The following PRKCA variants were observed in gnomAD, a reference collection of about 807,000 sequenced individuals.
PRKCA encodes the protein protein kinase C alpha type.
In PRKCA, 27 loss-of-function variants were observed where a neutral mutation model predicts 87.0. The observed-to-expected ratio is 0.31, with a 90% CI of 0.23 to 0.43. The LOEUF is 0.43. Among genes scored for constraint, PRKCA ranks in the 20% least tolerant of loss-of-function variants. The probability of loss-of-function intolerance (pLI) is 1.00; values close to 1 mark genes in which losing one functional copy is unlikely to be tolerated. For missense variants in PRKCA, 518 were observed against 852.3 expected (o/e 0.61, Z 4.88); for synonymous variants, 329 against 311.1 (o/e 1.06, Z -0.61).
chr17:66,469,433 AAAAC>A (rs1208046705), intron 2 of PRKCA, among the ~76,000 whole-genome samples: 2 of 152,226 alleles, frequency 1.3e-5, no homozygotes, highest in African/African-American at 4.8e-5. Flanking sequence ...AATAATATTG[AAAAC>A]AAACACCCGT....
intron 13 of PRKCA, among the ~76,000 whole-genome samples, chr17:66,749,521 T>C (rs1568011918): frequency 6.6e-6 from 1 of 152,222 alleles, no homozygotes; most frequent in Non-Finnish European, 1.5e-5. Flanking sequence ...CTGTCCCTGC[T>C]GTTTTTCATG....
chr17:66,446,550 G>A (rs1288418957), intron 2 of PRKCA, among the ~76,000 whole-genome samples: 1 of 152,156 alleles, frequency 6.6e-6, no homozygotes, highest in Non-Finnish European at 1.5e-5. Context: ...GCTAAATTTA[G>A]ACAGAACCCC....
At chr17:66,478,301 C>T (rs1221196856) in intron 2 of PRKCA, among the ~76,000 whole-genome samples, 1 of 152,156 alleles carries the variant, frequency 6.6e-6, no homozygotes, top group Non-Finnish European at 1.5e-5. Context: ...GTTGCCCAGA[C>T]TGGAGTGCAG....
chr17:66,707,257 C>T lies in PRKCA; in HGVS notation c.918+18210C>T, dbSNP rs1296628626. On this transcript the variant is annotated intron_variant, in intron 8 of 16. Transcript: ENST00000413366. Reference sequence around the variant, plus strand: ...CTCTGGCCTCTTAAAATTGCCTTGACTTATGCAGTCTAAAGACTACTCACT... The same window carrying T: ...CTCTGGCCTCTTAAAATTGCCTTGATTTATGCAGTCTAAAGACTACTCACT... Among the ~76,000 whole-genome samples the T allele has an allele frequency of 2.0e-5, 3 of 152,208 alleles. No individual in the cohort carries two copies. The South Asian group carries it at 6.2e-4, about 31-fold the overall frequency.
At chr17:66,557,214 T>A (rs1230684223) in intron 3 of PRKCA, among the ~76,000 whole-genome samples, 2 of 152,178 alleles carry the variant, frequency 1.3e-5, no homozygotes, top group Non-Finnish European at 2.9e-5. Context: ...TCTACAGTGT[T>A]TCTGATTTTT....
At position 66,506,536 on chromosome 17, in the gene PRKCA, C is replaced by T. The variant is rs186000260; in HGVS notation, c.288+10253C>T. On this transcript the variant is annotated intron_variant, in intron 3 of 16. Transcript: ENST00000413366. ...GAATGAGTTGGTGAAGGTCTGATAACCTAACTTGATCACCAGTCGTATTTA... is the reference window on the plus strand; with the variant it reads ...GAATGAGTTGGTGAAGGTCTGATAATCTAACTTGATCACCAGTCGTATTTA... 6.4e-3 allele frequency among the ~76,000 whole-genome samples: 971 copies of T among 152,188 alleles called. 30 individuals carry two copies. The highest frequency in any genetic ancestry group is 0.055 in the Admixed American group (841 of 15,296).
At chr17:66,784,546 T>C (rs781427708) in intron 14 of PRKCA, among the ~76,000 whole-genome samples, 12 of 152,048 alleles carry the variant, frequency 7.9e-5, no homozygotes, top group African/African-American at 2.7e-4. Context: ...CACGCCCAGC[T>C]ACTACATTTG....
At chr17:66,602,428 C>T (rs1356019304) in intron 3 of PRKCA, among the ~76,000 whole-genome samples, 5 of 150,122 alleles carry the variant, frequency 3.3e-5, no homozygotes, top group South Asian at 2.1e-4. Context: ...TGCTTCGGCT[C>T]GCGCACGGTG....
intron 2 of PRKCA, among the ~76,000 whole-genome samples, chr17:66,425,438 G>A (rs1912748774): frequency 6.6e-6 from 1 of 152,132 alleles, no homozygotes; most frequent in East Asian, 1.9e-4. Context: ...TGCTGTGATA[G>A]AGTATTGTTA....
At chr17:66,478,878 G>A (rs919251899) in intron 2 of PRKCA, among the ~76,000 whole-genome samples, 13 of 152,098 alleles carry the variant, frequency 8.5e-5, no homozygotes, top group Non-Finnish European at 1.8e-4. Flanking sequence ...GAAGCACTGT[G>A]TATAAGTGTA....
At chr17:66,486,054 T>C (rs2144071845) in intron 2 of PRKCA, among the ~76,000 whole-genome samples, 1 of 152,124 alleles carries the variant, frequency 6.6e-6, no homozygotes, top group East Asian at 1.9e-4. Context: ...TTTATGCCCT[T>C]AAGAGATTAA....
Position 66,501,850 on chromosome 17 carries a change from T to C in PRKCA, c.288+5567T>C, listed in dbSNP as rs569552627. Among the ~76,000 whole-genome samples the C allele has an allele frequency of 2.6e-5, 4 of 152,312 alleles. No individual in the cohort carries two copies. The South Asian group carries it at 8.3e-4, about 32-fold the overall frequency. On this transcript the variant is annotated intron_variant, in intron 3 of 16. Transcript: ENST00000413366. Reference sequence around the variant, plus strand: ...GTGGTTTTTGGGGCAGTGGGAGTAGTGAGCCTGGCTTTGCTCTGCTGAAGG... The same window carrying C: ...GTGGTTTTTGGGGCAGTGGGAGTAGCGAGCCTGGCTTTGCTCTGCTGAAGG...
At chr17:66,584,826 G>A (rs1436982351) in intron 3 of PRKCA, among the ~76,000 whole-genome samples, 3 of 152,092 alleles carry the variant, frequency 2.0e-5, no homozygotes, top group Non-Finnish European at 4.4e-5. Context: ...ATCTTATCTC[G>A]AGGTCTTTAT....
chr17:66,494,410 G>A (rs562919951), intron 2 of PRKCA, among the ~76,000 whole-genome samples: 4 of 152,202 alleles, frequency 2.6e-5, no homozygotes, highest in African/African-American at 9.6e-5. Context: ...CATGCTCCCA[G>A]GGGGAGGAAG....
chr17:66,530,546 T>C (rs1315086670), intron 3 of PRKCA, among the ~76,000 whole-genome samples: 1 of 152,184 alleles, frequency 6.6e-6, no homozygotes, highest in Admixed American at 6.5e-5. Flanking sequence ...CTCTCAGTTT[T>C]CAAGAGGGAG....
intron 2 of PRKCA, among the ~76,000 whole-genome samples, chr17:66,491,199 T>C (rs1916231099): frequency 6.6e-6 from 1 of 152,362 alleles, no homozygotes; most frequent in Non-Finnish European, 1.5e-5. Flanking sequence ...TTAGAGAAAG[T>C]GATTTTGTGC....
intron 2 of PRKCA, among the ~76,000 whole-genome samples, chr17:66,365,212 A>G (rs1336407805): frequency 1.3e-5 from 2 of 152,330 alleles, no homozygotes; most frequent in African/African-American, 4.8e-5. Flanking sequence ...GATTTTCTGG[A>G]AAGTCCCGAA....
intron 6 of PRKCA, among the ~76,000 whole-genome samples, chr17:66,687,480 G>T (rs955663426): frequency 6.6e-6 from 1 of 152,152 alleles, no homozygotes; most frequent in Non-Finnish European, 1.5e-5. Flanking sequence ...TCAGGCCTCA[G>T]ATTATTATTA....
chr17:66,622,297 CCTT>C lies in PRKCA; in HGVS notation c.289-19055_289-19053del, dbSNP rs574587871. On this transcript the variant is annotated intron_variant, in intron 3 of 16. Coordinates refer to ENST00000413366, the MANE Select transcript of PRKCA (RefSeq NM_002737.3). ...ATAATTAATTGTTTGCAAGCAATGACCTTCTCTTTCTGTAACCTGAGAAATGAG... is the reference window on the plus strand; with the variant it reads ...ATAATTAATTGTTTGCAAGCAATGACCTCTTTCTGTAACCTGAGAAATGAG... Among the ~76,000 whole-genome samples, 311 of 152,310 alleles carry C rather than the reference CCTT, an allele frequency of 2.0e-3. 2 individuals are homozygous for C. Among genetic ancestry groups the C allele is most frequent in the African/African-American group, 7.3e-3 (302 of 41,560 alleles).
Sources: gnomAD v4.1 joint callset for allele counts (sites outside exome capture counted in the v4.1 genomes callset) on GRCh38, gnomAD v4.1.1 for gene constraint, MANE v1.5 for transcripts, NCBI Gene and HGNC (gene_info 2026-07-23, HGNC 2026-07-21) for gene names.